SCN3B: variants seen among roughly 807,000 people sequenced by gnomAD.
SCN3B encodes sodium channel regulatory subunit beta-3.
Under a neutral mutation model 25.4 loss-of-function variants are expected in SCN3B, and 11 were observed. The ratio of observed to expected loss-of-function variants is 0.43; its 90% CI spans 0.27 to 0.72. The LOEUF is 0.72. Ranked by LOEUF, SCN3B falls within the 30% of genes least tolerant of loss-of-function variation. The probability of loss-of-function intolerance (pLI) is 0.18; values close to 1 mark genes in which losing one functional copy is unlikely to be tolerated. For missense variants in SCN3B, 218 were observed against 278.3 expected, an observed-to-expected ratio of 0.78 and a Z score of 1.54; for synonymous variants, 109 against 110.7, an observed-to-expected ratio of 0.99 and a Z score of 0.09.
At chr11:123,649,622 CTTTTTTCTTTCTTTCT>C (rs1213198897) in intron 2 of SCN3B, among the ~76,000 whole-genome samples, 1 of 147,932 alleles carries the variant, frequency 6.8e-6, no homozygotes, top group Non-Finnish European at 1.5e-5. Context: ...TCTTTTCTTT[CTTTTTTCTTTCTTTCT>C]TTTTTTTCTT....
chr11:123,641,481 G>A (rs1955790933), intron 4 of SCN3B, among the ~76,000 whole-genome samples: 1 of 152,170 alleles, frequency 6.6e-6, no homozygotes, highest in Non-Finnish European at 1.5e-5. Context: ...TGGAGGTTGG[G>A]ATTCCTGGAT....
intron 2 of SCN3B, among the ~76,000 whole-genome samples, chr11:123,647,671 C>T (rs1304049072): frequency 6.6e-6 from 1 of 152,174 alleles, no homozygotes; most frequent in Non-Finnish European, 1.5e-5. Context: ...GCAGAGCGTT[C>T]TTTCCTAAAA....
At chr11:123,644,846 CACACATATAT>C (rs1376603640) in intron 3 of SCN3B, among the ~76,000 whole-genome samples, 13 of 144,650 alleles carry the variant, frequency 9.0e-5, no homozygotes, top group African/African-American at 3.3e-4. Flanking sequence ...TATATACACA[CACACATATAT>C]ACACACACAC....
At chr11:123,649,230 A>T (rs1955890048) in intron 2 of SCN3B, among the ~76,000 whole-genome samples, 1 of 152,228 alleles carries the variant, frequency 6.6e-6, no homozygotes, top group Non-Finnish European at 1.5e-5. Flanking sequence ...GAACAAGTAG[A>T]TGGGATGGCA....
At chr11:123,644,163 C>T (rs1955821331) in intron 3 of SCN3B, among the ~76,000 whole-genome samples, 1 of 152,216 alleles carries the variant, frequency 6.6e-6, no homozygotes, top group South Asian at 2.1e-4. Flanking sequence ...AACTTAACTT[C>T]TTTGAGCCTC....
chr11:123,646,902 T>C (rs1394774717), intron 2 of SCN3B, among the ~76,000 whole-genome samples: 1 of 152,146 alleles, frequency 6.6e-6, no homozygotes, highest in Non-Finnish European at 1.5e-5. Flanking sequence ...AAAGAGTGCA[T>C]GCCCAGAGGT....
At chr11:123,652,561 A>T (rs1025556943) in intron 2 of SCN3B, among the ~76,000 whole-genome samples, 2 of 152,234 alleles carry the variant, frequency 1.3e-5, no homozygotes, top group Admixed American at 1.3e-4. Flanking sequence ...GATGAGTTTC[A>T]TGCCAACCAT....
In SCN3B at chr11:123,642,028, G is replaced by A. The variant is rs1955797390; in HGVS notation, c.445+418C>T. 6.6e-6 allele frequency among the ~76,000 whole-genome samples: 1 copy of A among 152,148 alleles called. No homozygotes were observed. Among genetic ancestry groups the A allele is most frequent in the East Asian group, 1.9e-4 (1 of 5,174 alleles). On this transcript the variant is annotated intron_variant, in intron 4 of 6. Coordinates refer to ENST00000299333, the MANE Select transcript of SCN3B (RefSeq NM_001040151.2). The surrounding 1 kb of genome is among the most constrained non-coding windows in gnomAD (Gnocchi z 4.3). ...CTAAAGTTTGAGAACCCCTGGCTTA[G>A]AGGCATGTATTGCTTACAGGTAGAA...
At chr11:123,638,096 A>T in intron 5 of SCN3B, 90 bp downstream of exon 5, 1 of 1,451,598 alleles carries the variant, frequency 6.9e-7, no homozygotes, top group Non-Finnish European at 9.5e-7. Context: ...AGGGTGGAGG[A>T]TGAATGTAAA....
At chr11:123,650,251 C>T (rs1387235093) in intron 2 of SCN3B, among the ~76,000 whole-genome samples, 1 of 152,114 alleles carries the variant, frequency 6.6e-6, no homozygotes, top group Non-Finnish European at 1.5e-5. Context: ...TATCATGAGG[C>T]AGATAATAAA....
chr11:123,630,330 A>T lies in SCN3B; in HGVS notation c.*3469T>A, dbSNP rs1292410765. 6.6e-6 allele frequency: 1 copy of T among 152,650 alleles called. No homozygotes were observed. The highest frequency in any genetic ancestry group is 1.5e-5 in the Non-Finnish European group (1 of 68,042). 9.5% of individuals were successfully genotyped at this position (152,650 alleles called of 1,614,324 possible). On this transcript the variant is annotated 3_prime_UTR_variant, in exon 7 of 7. Transcript: ENST00000299333. ...AGGGCCAACTGGATTGAGCAATCAC[A>T]TTCATGGCTGTGAAGTAGTAAGAAT...
At chr11:123,652,340 T>G (rs545730490) in intron 2 of SCN3B, among the ~76,000 whole-genome samples, 35 of 152,320 alleles carry the variant, frequency 2.3e-4, no homozygotes, top group African/African-American at 7.9e-4. Context: ...GGATGGCTGG[T>G]GATGAGTCCG....
chr11:123,634,616 C>G lies in SCN3B; in HGVS notation c.585-410G>C, dbSNP rs562207248. 1.1e-4 allele frequency among the ~76,000 whole-genome samples: 16 copies of G among 152,304 alleles called. No individual in the cohort carries two copies. The South Asian group carries it at 2.9e-3, about 28-fold the overall frequency. On this transcript the variant is annotated intron_variant, in intron 5 of 6. Transcript: ENST00000299333. ...AACTAGCCTGGCATGGTGGCACGTG[C>G]CTGTAGTCCCAGCTACTTGGGAGGC...
In SCN3B at chr11:123,642,939, T is replaced by C. The variant is rs1591346547; in HGVS notation, c.220-268A>G. 6.6e-6 allele frequency among the ~76,000 whole-genome samples: 1 copy of C among 151,264 alleles called. No homozygotes were observed. The highest frequency in any genetic ancestry group is 2.1e-4 in the South Asian group (1 of 4,764). ...GTGAGGACAGAGGCAGCCACGGGCG[T>C]GTAGGAAGAAGCTTGGCAGAAAAAA... On this transcript the variant is annotated intron_variant, in intron 3 of 6. Transcript: ENST00000299333. This position sits in a 1 kb window ranked among gnomAD's most constrained non-coding sequence, Gnocchi z 4.3.
At chr11:123,649,417 T>C (rs1377548845) in intron 2 of SCN3B, among the ~76,000 whole-genome samples, 1 of 152,132 alleles carries the variant, frequency 6.6e-6, no homozygotes, top group Non-Finnish European at 1.5e-5. Flanking sequence ...GGTCAAAATC[T>C]AGTTTCAGGG....
rs201799741 is a variant in SCN3B, at chr11:123,642,633, G to A, written c.258C>T (p.Ser86=). Residue 86 remains serine (S), a synonymous_variant, in exon 4 of 7, where the codon AGC becomes AGT. Transcript: ENST00000299333. This position sits in a 1 kb window ranked among gnomAD's most constrained non-coding sequence, Gnocchi z 4.3. ...TCCACTGCAGGCGCCCCTGAAAGGG[G>A]CTCTCCACCTCCTGGTGGCCATTCC... ...EYRNGHQEVE[S]PFQGRLQWNG... 66 of 1,613,252 alleles carry A rather than the reference G, an allele frequency of 4.1e-5. No individual in the cohort carries two copies. The highest frequency in any genetic ancestry group is 5.3e-5 in the Non-Finnish European group (62 of 1,179,840).
intron 5 of SCN3B, among the ~76,000 whole-genome samples, chr11:123,636,302 A>G (rs942963446): frequency 2.0e-5 from 3 of 152,094 alleles, no homozygotes; most frequent in South Asian, 2.1e-4. Flanking sequence ...CCTTGTCCTA[A>G]TAGTATTTTT....
chr11:123,650,665 C>T (rs1175982167), intron 2 of SCN3B, among the ~76,000 whole-genome samples: 1 of 152,142 alleles, frequency 6.6e-6, no homozygotes, highest in Non-Finnish European at 1.5e-5. Flanking sequence ...AATGGGAGGA[C>T]AGGTGCCCTC....
chr11:123,649,640 T>TC (rs1413971175), intron 2 of SCN3B, among the ~76,000 whole-genome samples: 2 of 151,904 alleles, frequency 1.3e-5, no homozygotes, highest in Non-Finnish European at 2.9e-5. Context: ...TTTCTTTCTT[T>TC]TTTTTCTTTC....
Sources: allele counts gnomAD v4.1 joint callset (sites outside exome capture counted in the v4.1 genomes callset), GRCh38; gene constraint gnomAD v4.1.1; non-coding constraint Gnocchi (gnomAD v3.1); transcripts MANE v1.5; gene names NCBI Gene and HGNC (gene_info 2026-07-23, HGNC 2026-07-21).